Variants in ARHGEF18 observed in about 807,000 individuals in gnomAD.
ARHGEF18 encodes the protein rho guanine nucleotide exchange factor 18.
In ARHGEF18, 93 loss-of-function variants were observed where a neutral mutation model predicts 155.7. The ratio of observed to expected loss-of-function variants is 0.60; its 90% confidence interval spans 0.50 to 0.71. The LOEUF is 0.71. ARHGEF18 is among the 30% of genes least tolerant of loss of function. The pLI, the probability that ARHGEF18 is intolerant of heterozygous loss-of-function variation, is 0.00. For missense variants in ARHGEF18, 1,593 were observed against 1,816.1 expected, an observed-to-expected ratio of 0.88 and a Z score of 2.23; for synonymous variants, 742 against 753.1, an observed-to-expected ratio of 0.99 and a Z score of 0.24.
At chr19:7,467,836 G>A in intron 26 of ARHGEF18, 152 bp downstream of exon 26, 1 of 760,142 alleles carries the variant, frequency 1.3e-6, no homozygotes, top group Non-Finnish European at 1.9e-6. Context: ...AACAGCTCAT[G>A]CCGCAGTACA....
intron 10 of ARHGEF18, chr19:7,439,871 G>A (rs1974511970): frequency 6.9e-7 from 1 of 1,449,398 alleles, no homozygotes; most frequent in East Asian, 2.5e-5. Flanking sequence ...CCAAGGGAGA[G>A]CCTGGAGGGG....
At chr19:7,409,057 CTT>C (rs1013156166) in intron 10 of ARHGEF18, among the ~76,000 whole-genome samples, 10 of 115,536 alleles carry the variant, frequency 8.7e-5, no homozygotes, top group African/African-American at 1.1e-4. Flanking sequence ...GACCCTGTTT[CTT>C]TTTTTTTTTT....
At position 7,463,764 on chromosome 19, in the gene ARHGEF18, C is replaced by G; in HGVS notation, c.2636-54C>G. On this transcript the variant is annotated intron_variant, in intron 21 of 28. Transcript: ENST00000668164. This position sits in a 1 kb window ranked among gnomAD's most constrained non-coding sequence, Gnocchi z 5.2. ...CTCGCTGCCCCAGCGCTCCGTATTCCCCCAGCACACTTCCGCAGGGCGACC... is the reference window on the plus strand; with the variant it reads ...CTCGCTGCCCCAGCGCTCCGTATTCGCCCAGCACACTTCCGCAGGGCGACC... The G allele has an allele frequency of 6.5e-7, 1 of 1,544,800 alleles. No homozygotes were observed. Among genetic ancestry groups the G allele is most frequent in the African/African-American group, 1.4e-5 (1 of 73,092 alleles).
At chr19:7,409,764 CTTTCTTTT>C (rs1235936537) in intron 10 of ARHGEF18, among the ~76,000 whole-genome samples, 3 of 66,492 alleles carry the variant, frequency 4.5e-5, no homozygotes, top group African/African-American at 1.5e-4. Flanking sequence ...TTCTTTCTTT[CTTTCTTTT>C]TTTTTTTTTT....
At position 7,443,352 on chromosome 19, in the gene ARHGEF18, G is replaced by A. The variant is rs572420123; in HGVS notation, c.1361-852G>A. On this transcript the variant is annotated intron_variant, in intron 13 of 28. Coordinates refer to ENST00000668164, the MANE Select transcript of ARHGEF18 (RefSeq NM_001367823.1). Reference sequence around the variant, plus strand: ...TTACAGGCGTCAGCCACCATGCCCGGCCATGCCCGGCTCATTTTTTTATTT... The same window carrying A: ...TTACAGGCGTCAGCCACCATGCCCGACCATGCCCGGCTCATTTTTTTATTT... 4.6e-5 allele frequency among the ~76,000 whole-genome samples: 7 copies of A among 152,178 alleles called. No homozygotes were observed. In the South Asian group the frequency reaches 1.5e-3, roughly 32 times the overall value.
rs368588291 is a variant in ARHGEF18, at chr19:7,451,185, G to A, written c.1774G>A (p.Val592Met). ...CTTCTCCATCGTGCGGCGGCTTGGC[G>A]TGCAGGAGTGCATTCTCCTGGTTAC... ...GNFSIVRRLG[V>M]QECILLVTQR... The change falls in exon 16 of 29, where the codon GTG (valine) becomes ATG (methionine). Residue 592 changes from valine (V) to methionine (M), a missense_variant. Physicochemically the swap from Val to Met is conservative, Grantham distance 21. Coordinates refer to ENST00000668164, the MANE Select transcript of ARHGEF18 (RefSeq NM_001367823.1). 109 of 1,610,162 alleles carry A rather than the reference G, an allele frequency of 6.8e-5. 1 individual carries two copies. Among genetic ancestry groups the A allele is most frequent in the South Asian group, 5.2e-4 (47 of 90,938 alleles).
Position 7,444,216 on chromosome 19 carries a change from C to T in ARHGEF18, c.1373C>T (p.Thr458Ile). ...RQDVLYELMQTEVHHVRTLKI... is the reference protein window; with the variant it reads ...RQDVLYELMQIEVHHVRTLKI... ...TGTGTCCCTGCAGAGCTGATGCAGA[C>T]AGAGGTGCACCACGTGCGGACGCTC... Residue 458 changes from threonine (T) to isoleucine (I), a missense_variant, in exon 14 of 29, where the codon ACA (threonine) becomes ATA (isoleucine). Thr to Ile is a moderately conservative substitution (Grantham distance 89, BLOSUM62 -1). Transcript: ENST00000668164. This position sits in a 1 kb window ranked among gnomAD's most constrained non-coding sequence, Gnocchi z 4.7. The T allele has an allele frequency of 6.2e-7, 1 of 1,613,270 alleles. No individual in the cohort carries two copies. The highest frequency in any genetic ancestry group is 1.7e-5 in the Admixed American group (1 of 60,012).
chr19:7,452,134 C>G (rs1975520734), intron 16 of ARHGEF18, among the ~76,000 whole-genome samples: 1 of 152,238 alleles, frequency 6.6e-6, no homozygotes, highest in Non-Finnish European at 1.5e-5. Flanking sequence ...CAGGCTGGGC[C>G]ACTGCAGGCC....
In ARHGEF18 at chr19:7,447,026, A is replaced by G. The variant is rs1196471696; in HGVS notation, c.1612-17A>G. ...GTTTTCGTGTTTAATTAACATTTCC[A>G]TCCTTTTGTTTATCAGTTTTCAGGT... On this transcript the variant is annotated splice_polypyrimidine_tract_variant and intron_variant, in intron 14 of 28. Coordinates refer to ENST00000668164, the MANE Select transcript of ARHGEF18 (RefSeq NM_001367823.1). 1.2e-6 allele frequency: 2 copies of G among 1,610,064 alleles called. No individual in the cohort carries two copies. The highest frequency in any genetic ancestry group is 1.7e-5 in the Admixed American group (1 of 59,264).
intron 15 of ARHGEF18, among the ~76,000 whole-genome samples, chr19:7,449,130 G>T (rs143614884): frequency 6.6e-6 from 1 of 152,144 alleles, no homozygotes; most frequent in Non-Finnish European, 1.5e-5. Flanking sequence ...ATCCCACAGC[G>T]GCTCCGGGCC....
Position 7,380,955 on chromosome 19 carries a change from G to A in ARHGEF18, c.683G>A (p.Gly228Glu), listed in dbSNP as rs775104618. The change falls in exon 8 of 29, where the codon GGA becomes GAA. Residue 228 changes from glycine to glutamate, a missense_variant. Transcript: ENST00000668164. ...GCTTGCATGTCAGCCAGCCCCGGAG[G>A]AGCCCACTCGAACCTGACCTGGTTT... Reference protein sequence around the residue: ...QRACMSASPGGAHSNLTWFEF... With the variant: ...QRACMSASPGEAHSNLTWFEF... 21 of 1,232,208 alleles carry A rather than the reference G, an allele frequency of 1.7e-5. No individual in the cohort carries two copies. The highest frequency in any genetic ancestry group is 6.3e-5 in the East Asian group (2 of 31,700). 76.3% of individuals were successfully genotyped at this position (1,232,208 alleles called of 1,614,324 possible).
chr19:7,383,360 C>A (rs911756746), intron 10 of ARHGEF18, 157 bp downstream of exon 10: 16 of 770,336 alleles, frequency 2.1e-5, no homozygotes, highest in Non-Finnish European at 2.6e-5. Flanking sequence ...GGGATCAGTC[C>A]CTGGGCACAG....
chr19:7,443,074 T>G (rs1974768971), intron 13 of ARHGEF18, among the ~76,000 whole-genome samples: 1 of 145,614 alleles, frequency 6.9e-6, no homozygotes, highest in Non-Finnish European at 1.5e-5. Context: ...TTTTTTTTTT[T>G]TTTTTTGAGA....
At chr19:7,427,195 A>G (rs1282846035) in intron 10 of ARHGEF18, among the ~76,000 whole-genome samples, 1 of 152,150 alleles carries the variant, frequency 6.6e-6, no homozygotes, top group Non-Finnish European at 1.5e-5. Flanking sequence ...GCTCCTGGAG[A>G]GCCCCCAGTG....
chr19:7,398,697 A>T (rs1971860993), intron 10 of ARHGEF18, among the ~76,000 whole-genome samples: 2 of 148,240 alleles, frequency 1.3e-5, no homozygotes, highest in South Asian at 4.2e-4. Flanking sequence ...TCTCAAAAAA[A>T]AAAAAAAAAA....
chr19:7,466,934 C>T lies in ARHGEF18; in HGVS notation c.2921C>T (p.Thr974Met), dbSNP rs753220964. ...ESPQVVEAPG[T>M]ESDPRLPTVL... ...TCTTCCCAGGTGGAGGCGCCAGGCA[C>T]GGAATCCGATCCCCGTCTGCCCACC... is the stretch of plus-strand genomic sequence containing the variant. Residue 974 changes from threonine (T) to methionine (M), a missense_variant, in exon 24 of 29, where the codon ACG becomes ATG. By Grantham distance (81) the Thr-to-Met change is moderately conservative. Coordinates refer to ENST00000668164, the MANE Select transcript of ARHGEF18 (RefSeq NM_001367823.1). The T allele has an allele frequency of 3.7e-6, 6 of 1,613,414 alleles. No homozygotes were observed. The highest frequency in any genetic ancestry group is 5.1e-6 in the Non-Finnish European group (6 of 1,179,990).
intron 10 of ARHGEF18, among the ~76,000 whole-genome samples, chr19:7,438,997 G>C (rs939148489): frequency 6.6e-6 from 1 of 151,912 alleles, no homozygotes; most frequent in Admixed American, 6.6e-5. Context: ...TCAGCCTCCC[G>C]AGTAGCTGAG....
In ARHGEF18 at chr19:7,451,151, A is replaced by T; in HGVS notation, c.1740A>T (p.Lys580Asn). 6.8e-7 allele frequency: 1 copy of T among 1,466,504 alleles called. No homozygotes were observed. Among genetic ancestry groups the T allele is most frequent in the South Asian group, 1.2e-5 (1 of 86,394 alleles). 90.8% of individuals were successfully genotyped at this position (1,466,504 alleles called of 1,614,324 possible). A position where few individuals can be genotyped will look rare whatever the true frequency, so the allele number is the denominator to read the frequency against. ...GGATCTTGCTTTCTGTTTCCTAGAA[A>T]ATTGGCAACTTCTCCATCGTGCGGC... ...QNKKFQNLIK[K>N]IGNFSIVRRL... is the part of the protein sequence containing the mutation. Residue 580 changes from lysine to asparagine, a missense_variant and splice_region_variant, in exon 16 of 29, where the codon AAA (lysine) becomes AAT (asparagine). Transcript: ENST00000668164.
chr19:7,437,112 C>T (rs935897631), intron 10 of ARHGEF18, among the ~76,000 whole-genome samples: 3 of 152,152 alleles, frequency 2.0e-5, no homozygotes, highest in African/African-American at 7.2e-5. Flanking sequence ...TTAACAATCA[C>T]CTTCAATTTA....
Sources: gnomAD v4.1 joint callset for allele counts (sites outside exome capture counted in the v4.1 genomes callset) on GRCh38, gnomAD v4.1.1 for gene constraint, Gnocchi (gnomAD v3.1) non-coding constraint, MANE v1.5 for transcripts, NCBI Gene and HGNC (gene_info 2026-07-23, HGNC 2026-07-21) for gene names.